Variants in SH3BP5L observed in about 807,000 individuals in gnomAD.
SH3BP5L encodes the protein SH3 domain-binding protein 5-like.
SH3BP5L carries 16 observed loss-of-function variants against 40.9 expected under a neutral mutation model. That is an observed-to-expected ratio of 0.39 (90% confidence interval 0.27 to 0.59). The LOEUF (loss-of-function observed/expected upper bound fraction) is 0.59, where lower values mean the gene tolerates loss of function less well. Among genes scored for constraint, SH3BP5L ranks in the 20% least tolerant of loss-of-function variants. The pLI is 0.53. For synonymous variants in SH3BP5L, 229 were observed against 226.7 expected (o/e 1.01, Z -0.09); for missense variants, 471 against 544.6 (o/e 0.86, Z 1.35).
At chr1:248,813,399 G>C in intron 5 of SH3BP5L, 1 of 409,680 alleles carries the variant, frequency 2.4e-6, no homozygotes. Context: ...CACATCACAG[G>C]CACATGCCTC....
At chr1:248,822,067 G>A (rs1374851034) in intron 2 of SH3BP5L, among the ~76,000 whole-genome samples, 1 of 152,162 alleles carries the variant, frequency 6.6e-6, no homozygotes, top group African/African-American at 2.4e-5. Flanking sequence ...AAAGGCTCAG[G>A]TAAGGGTATT....
intron 2 of SH3BP5L, chr1:248,820,583 C>T (rs976060611): frequency 7.9e-5 from 12 of 152,212 alleles, no homozygotes; most frequent in African/African-American, 2.7e-4. Flanking sequence ...GGTCTGGATC[C>T]AGGACCGACC....
At chr1:248,818,233 A>T (rs570654410) in intron 2 of SH3BP5L, among the ~76,000 whole-genome samples, 97 of 152,244 alleles carry the variant, frequency 6.4e-4, no homozygotes, top group Non-Finnish European at 1.1e-3. Flanking sequence ...CTATAATCCC[A>T]GCTACTTGGG....
intron 2 of SH3BP5L, chr1:248,820,319 G>C (rs1390308154): frequency 6.6e-6 from 1 of 152,236 alleles, no homozygotes. Context: ...AGTGCCTTCC[G>C]AACAGAGACA....
chr1:248,817,966 G>A (rs868703123), intron 2 of SH3BP5L, among the ~76,000 whole-genome samples: 45 of 152,370 alleles, frequency 3.0e-4, no homozygotes, highest in African/African-American at 1.1e-3. Context: ...CACTATGGGA[G>A]GTAGTACCAG....
rs1558226525 is a variant in SH3BP5L, at chr1:248,813,172, A to G, written c.538-10T>C. The G allele has an allele frequency of 5.2e-6, 8 of 1,551,500 alleles. No homozygotes were observed. The highest frequency in any genetic ancestry group is 5.2e-6 in the Non-Finnish European group (6 of 1,146,492). ...CCTCCGCCTCATTCACCTGGCCCAG[A>G]GGACACATCACTGAGCCAGGACCCA... is the stretch of plus-strand genomic sequence containing the variant. On this transcript the variant is annotated splice_polypyrimidine_tract_variant and intron_variant, in intron 5 of 6. Transcript: ENST00000366472.
chr1:248,813,830 C>T (rs1161256094), intron 5 of SH3BP5L: 1 of 160,466 alleles, frequency 6.2e-6, no homozygotes, highest in African/African-American at 2.4e-5. Flanking sequence ...ACACCATCCC[C>T]TAACCCCTCC....
chr1:248,812,093 G>A lies in SH3BP5L; in HGVS notation c.989C>T (p.Thr330Ile). The stretch of plus-strand genomic sequence containing the variant: ...CAGGCTCAGCAGACTCAGGGTATCG[G>A]TGTCGGGGGCGGGGCCGGGCCCCAG... ...SSLGPGPAPD[T>I]DTLSLLSLRT... is the part of the protein sequence containing the mutation. The change falls in exon 7 of 7, where the codon ACC becomes ATC. Residue 330 changes from threonine to isoleucine, a missense_variant. Thr to Ile is a moderately conservative substitution (Grantham distance 89). Coordinates refer to ENST00000366472, the MANE Select transcript of SH3BP5L (RefSeq NM_030645.3). The surrounding 1 kb of genome is among the most constrained non-coding windows in gnomAD (Gnocchi z 6.1). 6.2e-7 allele frequency: 1 copy of A among 1,612,126 alleles called. No individual in the cohort carries two copies. The highest frequency in any genetic ancestry group is 8.5e-7 in the Non-Finnish European group (1 of 1,179,112).
At position 248,816,665 on chromosome 1, in the gene SH3BP5L, G is replaced by A; in HGVS notation, c.247-3C>T. 6.2e-7 allele frequency: 1 copy of A among 1,614,004 alleles called. No homozygotes were observed. The highest frequency in any genetic ancestry group is 1.7e-5 in the Admixed American group (1 of 60,012). ...CTCCGATAGGTGGTCCTGGCCTCCTGGAAAGGAACAAGGCAGAGGAAAGGC... is the reference window on the plus strand; with the variant it reads ...CTCCGATAGGTGGTCCTGGCCTCCTAGAAAGGAACAAGGCAGAGGAAAGGC... On this transcript the variant is annotated splice_polypyrimidine_tract_variant and splice_region_variant and intron_variant, in intron 3 of 6. Transcript: ENST00000366472.
intron 5 of SH3BP5L, chr1:248,813,894 T>C (rs1223937623): frequency 5.8e-6 from 1 of 171,492 alleles, no homozygotes. Context: ...GTGAGGTGCC[T>C]GTTCTGTGTG....
At chr1:248,813,588 A>G (rs1284426625) in intron 5 of SH3BP5L, 1 of 163,274 alleles carries the variant, frequency 6.1e-6, no homozygotes, top group Non-Finnish European at 1.3e-5. Flanking sequence ...CCTCAGCGCC[A>G]ATGGTTAGGG....
intron 5 of SH3BP5L, chr1:248,814,044 T>A (rs1664031570): frequency 5.1e-6 from 1 of 197,676 alleles, no homozygotes; most frequent in African/African-American, 2.4e-5. Flanking sequence ...TTGGAAATGA[T>A]ACATAAATTA....
intron 2 of SH3BP5L, among the ~76,000 whole-genome samples, chr1:248,823,520 A>C (rs191582964): frequency 1.3e-5 from 2 of 152,366 alleles, no homozygotes; most frequent in Non-Finnish European, 2.9e-5. Context: ...ATCTGTAGAA[A>C]TAGCAAGAAA....
intron 2 of SH3BP5L, 121 bp from the exon 3 acceptor site, chr1:248,817,005 A>G: frequency 1.9e-6 from 3 of 1,572,898 alleles, no homozygotes; most frequent in Non-Finnish European, 2.6e-6. Context: ...GAGGTGAGAC[A>G]CTCAGGAAAG....
chr1:248,817,899 G>C (rs2103015942), intron 2 of SH3BP5L, among the ~76,000 whole-genome samples: 1 of 152,266 alleles, frequency 6.6e-6, no homozygotes, highest in Non-Finnish European at 1.5e-5. Flanking sequence ...GGAACCAAAG[G>C]GGAGCAGGTA....
At position 248,812,261 on chromosome 1, in the gene SH3BP5L, C is replaced by A. The variant is rs764574962; in HGVS notation, c.821G>T (p.Arg274Leu). 28 of 1,611,808 alleles carry A rather than the reference C, an allele frequency of 1.7e-5. No individual in the cohort carries two copies. The highest frequency in any genetic ancestry group is 2.1e-5 in the Non-Finnish European group (25 of 1,179,866). The change falls in exon 7 of 7, where the codon CGG (arginine) becomes CTG (leucine). Residue 274 changes from arginine (R) to leucine (L), a missense_variant. Physicochemically the swap from Arg to Leu is moderately radical, Grantham distance 102 (BLOSUM62 -2). Around this residue, in one of 2 missense-constraint regions of SH3BP5L, gnomAD observed 275 missense variants for 370.1 expected, o/e 0.74. Coordinates refer to ENST00000366472, the MANE Select transcript of SH3BP5L (RefSeq NM_030645.3). The surrounding 1 kb of genome is among the most constrained non-coding windows in gnomAD (Gnocchi z 6.1). The stretch of plus-strand genomic sequence containing the variant: ...GTGGGGAGGCAGACCCCCGCGGCGC[C>A]GTGCGTGAATCTGCTCGCTGATCTG... ...LEQISEQIHARRRGGLPPHPL... is the reference protein window; with the variant it reads ...LEQISEQIHALRRGGLPPHPL...
rs1366635354 is a variant in SH3BP5L, at chr1:248,812,899, C to T, written c.711+90G>A. Reference sequence around the variant, plus strand: ...GCCGGAGGCCTCACCCTGGCCACCTCACCAAGATGGCCCAGAGAGGCCGAC... The same window carrying T: ...GCCGGAGGCCTCACCCTGGCCACCTTACCAAGATGGCCCAGAGAGGCCGAC... On this transcript the variant is annotated intron_variant, in intron 6 of 6. Coordinates refer to ENST00000366472, the MANE Select transcript of SH3BP5L (RefSeq NM_030645.3). This position sits in a 1 kb window ranked among gnomAD's most constrained non-coding sequence, Gnocchi z 6.1. The T allele has an allele frequency of 7.1e-6, 9 of 1,274,972 alleles. No individual in the cohort carries two copies. The highest frequency in any genetic ancestry group is 9.8e-6 in the Non-Finnish European group (9 of 921,406). 79.0% of individuals were successfully genotyped at this position (1,274,972 alleles called of 1,614,324 possible).
intron 2 of SH3BP5L, among the ~76,000 whole-genome samples, chr1:248,824,199 T>C (rs979609878): frequency 6.6e-6 from 1 of 152,212 alleles, no homozygotes; most frequent in Non-Finnish European, 1.5e-5. Context: ...TCTTTATAGA[T>C]CTAAAGTTGA....
chr1:248,823,818 CACA>C (rs1664309679), intron 2 of SH3BP5L, among the ~76,000 whole-genome samples: 1 of 152,208 alleles, frequency 6.6e-6, no homozygotes, highest in African/African-American at 2.4e-5. Flanking sequence ...GAGTCACTTC[CACA>C]ACATCAGAGT....
Sources: allele counts gnomAD v4.1 joint callset (sites outside exome capture counted in the v4.1 genomes callset), GRCh38; gene constraint gnomAD v4.1.1; regional missense constraint gnomAD v4.1.1; non-coding constraint Gnocchi (gnomAD v3.1); transcripts MANE v1.5; gene names NCBI Gene and HGNC (gene_info 2026-07-23, HGNC 2026-07-21).